EML6: variants seen among roughly 807,000 people sequenced by gnomAD.
EML6 encodes the protein EMAP like 6.
Under a neutral mutation model 240.1 loss-of-function variants are expected in EML6, and 154 were observed. That is an observed-to-expected ratio of 0.64 (90% CI 0.56 to 0.73). EML6 has a LOEUF of 0.73. EML6 is among the 30% of genes least tolerant of loss of function. The pLI, the probability that EML6 is intolerant of heterozygous loss-of-function variation, is 0.00. For missense variants in EML6, 2,964 were observed against 2,474.6 expected (o/e 1.20, Z -4.20); for synonymous variants, 1,148 against 899.0 (o/e 1.28, Z -4.95).
At chr2:54,750,384 G>A (rs1407853944) in intron 2 of EML6, among the ~76,000 whole-genome samples, 4 of 152,196 alleles carry the variant, frequency 2.6e-5, no homozygotes, top group Non-Finnish European at 5.9e-5. Flanking sequence ...GAGCTGGTGT[G>A]AGCAGTTAGC....
intron 2 of EML6, among the ~76,000 whole-genome samples, chr2:54,744,971 T>C (rs2103670709): frequency 8.5e-6 from 1 of 118,178 alleles, no homozygotes; most frequent in Non-Finnish European, 1.8e-5. Context: ...CACCCTGCCA[T>C]GCAGGCCTTC....
At chr2:54,786,110 G>GT (rs1669072923) in intron 2 of EML6, among the ~76,000 whole-genome samples, 1 of 151,968 alleles carries the variant, frequency 6.6e-6, no homozygotes, top group Non-Finnish European at 1.5e-5. Context: ...GGAGCCTTCT[G>GT]TTTTTTCTGG....
chr2:54,820,300 A>G (rs971923762), intron 4 of EML6, 94 bp from the exon 5 acceptor site: 2 of 725,934 alleles, frequency 2.8e-6, no homozygotes, highest in African/African-American at 3.6e-5. Context: ...TGTGTTCTAA[A>G]TGTTATAGTA....
chr2:54,832,299 C>G (rs1424022401), intron 7 of EML6, among the ~76,000 whole-genome samples: 1 of 152,214 alleles, frequency 6.6e-6, no homozygotes, highest in Non-Finnish European at 1.5e-5. Flanking sequence ...CTAAGGTGCT[C>G]TGTTGCGCTC....
intron 17 of EML6, among the ~76,000 whole-genome samples, chr2:54,883,668 G>T (rs116501185): frequency 6.6e-6 from 1 of 152,070 alleles, no homozygotes; most frequent in Non-Finnish European, 1.5e-5. Context: ...TCTTATTCTC[G>T]CCATCTAAGA....
chr2:54,905,963 C>G (rs1181939252), intron 24 of EML6, among the ~76,000 whole-genome samples: 1 of 152,226 alleles, frequency 6.6e-6, no homozygotes, highest in African/African-American at 2.4e-5. Flanking sequence ...ATTTCAGCCA[C>G]TGTGAGTGAT....
chr2:54,782,854 C>T (rs772675337), intron 2 of EML6, among the ~76,000 whole-genome samples: 3 of 152,086 alleles, frequency 2.0e-5, no homozygotes, highest in Admixed American at 6.5e-5. Flanking sequence ...ACTTGCCTAC[C>T]GTGTAACCTA....
At chr2:54,792,627 C>A (rs974810893) in intron 2 of EML6, among the ~76,000 whole-genome samples, 25 of 152,268 alleles carry the variant, frequency 1.6e-4, no homozygotes, top group African/African-American at 5.3e-4. Flanking sequence ...TTTCAAAACT[C>A]ACAGAACTGT....
At chr2:54,945,565 C>T (rs988085334) in intron 28 of EML6, among the ~76,000 whole-genome samples, 1 of 152,154 alleles carries the variant, frequency 6.6e-6, no homozygotes, top group Non-Finnish European at 1.5e-5. Flanking sequence ...GCCTCACTCC[C>T]CAGTTGGCTC....
At chr2:54,903,588 G>C in intron 24 of EML6, 86 bp downstream of exon 24, 8 of 1,093,352 alleles carry the variant, frequency 7.3e-6, no homozygotes, top group Non-Finnish European at 1.0e-5. Context: ...AATGGCAGTT[G>C]AGTGTTAGAA....
intron 28 of EML6, among the ~76,000 whole-genome samples, chr2:54,937,001 C>T (rs894362102): frequency 4.2e-5 from 6 of 142,580 alleles, no homozygotes; most frequent in East Asian, 2.0e-4. Flanking sequence ...AAGTCTGGGC[C>T]GGGCACAGTG....
chr2:54,852,857 C>T (rs1253219312), intron 10 of EML6, among the ~76,000 whole-genome samples: 6 of 152,162 alleles, frequency 3.9e-5, no homozygotes, highest in Admixed American at 3.3e-4. Flanking sequence ...TGTGGTTAAA[C>T]ACTTTCCCAA....
intron 19 of EML6, among the ~76,000 whole-genome samples, chr2:54,893,839 G>C (rs991523984): frequency 1.3e-5 from 2 of 151,934 alleles, no homozygotes; most frequent in South Asian, 2.1e-4. Context: ...CAAAGGTGTT[G>C]TTTTGTTTTG....
chr2:54,786,811 G>A (rs1669119823), intron 2 of EML6, among the ~76,000 whole-genome samples: 1 of 152,282 alleles, frequency 6.6e-6, no homozygotes, highest in African/African-American at 2.4e-5. Flanking sequence ...CCCTTTCCTC[G>A]GAATTCATTC....
chr2:54,904,972 C>G (rs569777902), intron 24 of EML6, among the ~76,000 whole-genome samples: 4 of 152,150 alleles, frequency 2.6e-5, no homozygotes, highest in Non-Finnish European at 4.4e-5. Context: ...TTACAACATT[C>G]AGGAGTTTTA....
chr2:54,966,389 A>C (rs908435256), intron 38 of EML6, among the ~76,000 whole-genome samples: 1 of 152,242 alleles, frequency 6.6e-6, no homozygotes, highest in Non-Finnish European at 1.5e-5. Flanking sequence ...GAAGCACTGC[A>C]GGGAGAGAGG....
chr2:54,794,183 C>A (rs1329648701), intron 2 of EML6, among the ~76,000 whole-genome samples: 2 of 152,162 alleles, frequency 1.3e-5, no homozygotes, highest in Non-Finnish European at 1.5e-5. Context: ...GCTGGCCCTG[C>A]TGCTTGGTCA....
intron 35 of EML6, 50 bp from the exon 36 acceptor site, chr2:54,962,473 G>T: frequency 7.3e-7 from 1 of 1,367,030 alleles, no homozygotes; most frequent in Non-Finnish European, 9.9e-7. Context: ...TCATATGAGT[G>T]CAGTCATACA....
chr2:54,810,566 T>C (rs934632990), intron 2 of EML6, among the ~76,000 whole-genome samples: 5 of 152,178 alleles, frequency 3.3e-5, no homozygotes, highest in East Asian at 3.8e-4. Flanking sequence ...CACAGCAAAA[T>C]AGTATAATTT....
Sources: gnomAD v4.1 joint callset for allele counts (sites outside exome capture counted in the v4.1 genomes callset) on GRCh38, gnomAD v4.1.1 for gene constraint, MANE v1.5 for transcripts, NCBI Gene and HGNC (gene_info 2026-07-23, HGNC 2026-07-21) for gene names.